The following CEP89 variants were observed in gnomAD, a reference collection of about 807,000 sequenced individuals.
CEP89 encodes centrosomal protein 89, also known as centrosomal protein of 89 kDa.
In CEP89, 95 loss-of-function variants were observed where a neutral mutation model predicts 97.6. The observed-to-expected ratio is 0.97, with a 90% CI of 0.82 to 1.15. The LOEUF (loss-of-function observed/expected upper bound fraction) is 1.15, where lower values mean the gene tolerates loss of function less well. CEP89 is among the 50% of genes most tolerant of loss of function. The pLI, the probability that CEP89 is intolerant of heterozygous loss-of-function variation, is 0.00. For synonymous variants in CEP89, 354 were observed against 349.1 expected, an observed-to-expected ratio of 1.01 and a Z score of -0.16; for missense variants, 869 against 947.7, an observed-to-expected ratio of 0.92 and a Z score of 1.09.
At chr19:32,941,912 A>G (rs1970694658) in intron 5 of CEP89, among the ~76,000 whole-genome samples, 2 of 152,210 alleles carry the variant, frequency 1.3e-5, no homozygotes, top group South Asian at 4.1e-4. Flanking sequence ...AAAGTGATAC[A>G]ATAAGAAAAA....
Position 32,931,585 on chromosome 19 carries a change from T to A in CEP89, c.887-14A>T, listed in dbSNP as rs778903569. 5.1e-6 allele frequency: 8 copies of A among 1,557,362 alleles called. No individual in the cohort carries two copies. Among genetic ancestry groups the A allele is most frequent in the South Asian group, 2.4e-5 (2 of 82,516 alleles). ...CAGGTGCAGCAACTAGGGAAAAAAA[T>A]TTAATATTATACTATAAGAAATAAC... On this transcript the variant is annotated splice_polypyrimidine_tract_variant and intron_variant, in intron 8 of 18. Transcript: ENST00000305768.
Position 32,960,078 on chromosome 19 carries a change from A to C in CEP89, c.147-20T>G, listed in dbSNP as rs754373913. 6.2e-7 allele frequency: 1 copy of C among 1,613,590 alleles called. No homozygotes were observed. The highest frequency in any genetic ancestry group is 2.2e-5 in the East Asian group (1 of 44,866). On this transcript the variant is annotated intron_variant, in intron 2 of 18. Coordinates refer to ENST00000305768, the MANE Select transcript of CEP89 (RefSeq NM_032816.5). ...GCAGATCTGCGGACAAAAACATCCC[A>C]TGGAGACAGTGAGACATGAACATTC...
chr19:32,952,903 C>CAAAAA (rs34455504), intron 4 of CEP89, among the ~76,000 whole-genome samples: 33 of 46,920 alleles, frequency 7.0e-4, no homozygotes, highest in East Asian at 1.5e-3. Flanking sequence ...GACTCTGTCT[C>CAAAAA]AAAAAAAAAA....
intron 4 of CEP89, among the ~76,000 whole-genome samples, chr19:32,952,568 A>T (rs1002590): frequency 0.2 from 30,155 of 151,866 alleles, 3,088 homozygotes; most frequent in African/African-American, 0.23. Context: ...GCTGGTCTAT[A>T]TGTACAGACA....
Position 32,901,381 on chromosome 19 carries a change from C to T in CEP89, c.1597G>A (p.Ala533Thr), listed in dbSNP as rs143984114. 4.5e-5 allele frequency: 73 copies of T among 1,613,434 alleles called. No individual in the cohort carries two copies. Among genetic ancestry groups the T allele is most frequent in the Middle Eastern group, 1.6e-4 (1 of 6,074 alleles). ...QLQKEEEKER[A>T]EMEELMEKLT... ...TTCTCCATCAACTCCTCCATCTCAG[C>T]CCTTTCTTTCTCTTCTTCCTTCTGT... Residue 533 changes from alanine to threonine, a missense_variant, in exon 15 of 19, where the codon GCT (alanine) becomes ACT (threonine). Physicochemically the swap from Ala to Thr is moderately conservative, Grantham distance 58 (BLOSUM62 0). Transcript: ENST00000305768.
At chr19:32,948,929 T>A (rs919403442) in intron 4 of CEP89, among the ~76,000 whole-genome samples, 82 of 152,276 alleles carry the variant, frequency 5.4e-4, no homozygotes, top group African/African-American at 1.9e-3. Context: ...GGTCTCCTTA[T>A]GTTGCCCAGG....
intron 4 of CEP89, among the ~76,000 whole-genome samples, chr19:32,949,006 A>G (rs1970856532): frequency 6.6e-6 from 1 of 152,080 alleles, no homozygotes; most frequent in African/African-American, 2.4e-5. Flanking sequence ...GGGATTACAG[A>G]TGACAGCCAC....
At chr19:32,941,992 C>T (rs1970696407) in intron 5 of CEP89, among the ~76,000 whole-genome samples, 1 of 152,212 alleles carries the variant, frequency 6.6e-6, no homozygotes, top group African/African-American at 2.4e-5. Context: ...TCAGATCTGA[C>T]TGCTTTCATA....
rs376354209 is a variant in CEP89, at chr19:32,915,471, G to C, written c.1431C>G (p.His477Gln). 6.2e-7 allele frequency: 1 copy of C among 1,612,804 alleles called. No individual in the cohort carries two copies. The highest frequency in any genetic ancestry group is 1.7e-5 in the Admixed American group (1 of 59,742). ...KQLMLLEAKT[H>Q]GQEKELAENR... ...TCTCCGCCAGCTCCTTTTCCTGGCC[G>C]TGGGTTTTTGCCTCCAGGAGCATTA... Residue 477 changes from histidine (H) to glutamine (Q), a missense_variant, in exon 14 of 19, where the codon CAC (histidine) becomes CAG (glutamine). By Grantham distance (24) the His-to-Gln change is conservative. Coordinates refer to ENST00000305768, the MANE Select transcript of CEP89 (RefSeq NM_032816.5).
chr19:32,956,087 G>A (rs565848963), intron 3 of CEP89, among the ~76,000 whole-genome samples: 32 of 123,128 alleles, frequency 2.6e-4, no homozygotes, highest in East Asian at 9.2e-4. Context: ...ATGGAGTCTC[G>A]CTCTGTCCCC....
intron 9 of CEP89, among the ~76,000 whole-genome samples, chr19:32,929,725 C>G (rs1286233070): frequency 2.0e-5 from 3 of 152,216 alleles, no homozygotes; most frequent in African/African-American, 7.2e-5. Flanking sequence ...GTCCCTGGGC[C>G]TGTCTGCCCG....
At position 32,959,898 on chromosome 19, in the gene CEP89, A is replaced by AC; in HGVS notation, c.305+1dup. 1.2e-6 allele frequency: 2 copies of AC among 1,614,070 alleles called. No homozygotes were observed. The highest frequency in any genetic ancestry group is 1.6e-4 in the Middle Eastern group (1 of 6,062). Reference sequence around the variant, plus strand: ...AAGCAGAGGCGGCGATCTGGTACCTACCGAGGCCTCAGCTGTGAGGTGGTG... The same window carrying AC: ...AAGCAGAGGCGGCGATCTGGTACCTACCCGAGGCCTCAGCTGTGAGGTGGTG... On this transcript the variant is annotated splice_donor_variant, in intron 3 of 18. Coordinates refer to ENST00000305768, the MANE Select transcript of CEP89 (RefSeq NM_032816.5). LOFTEE classifies it high-confidence loss of function.
Position 32,931,348 on chromosome 19 carries a change from G to T in CEP89, c.1029+81C>A. On this transcript the variant is annotated intron_variant, in intron 9 of 18. Transcript: ENST00000305768. The stretch of plus-strand genomic sequence containing the variant: ...TCTTACATCAAATTATAATAAATAA[G>T]AACCTCTCAAGATTGGAAATCAATT... 1 of 1,238,508 alleles carries T rather than the reference G, an allele frequency of 8.1e-7. No individual in the cohort carries two copies. The highest frequency in any genetic ancestry group is 1.1e-6 in the Non-Finnish European group (1 of 894,382). The allele number at this position is 1,238,508 out of a possible 1,614,324, so 76.7% of individuals were successfully genotyped here.
At position 32,915,444 on chromosome 19, in the gene CEP89, G is replaced by T. The variant is rs376338776; in HGVS notation, c.1458C>A (p.Asn486Lys). The change falls in exon 14 of 19, where the codon AAC becomes AAA. Residue 486 changes from asparagine (N) to lysine (K), a missense_variant. Coordinates refer to ENST00000305768, the MANE Select transcript of CEP89 (RefSeq NM_032816.5). ...THGQEKELAE[N>K]REQLEILRAK... ...CACGTAAAATCTCCAGCTGTTCCCT[G>T]TTCTCCGCCAGCTCCTTTTCCTGGC... 6.2e-7 allele frequency: 1 copy of T among 1,613,808 alleles called. No homozygotes were observed. The highest frequency in any genetic ancestry group is 8.5e-7 in the Non-Finnish European group (1 of 1,179,960).
At position 32,931,586 on chromosome 19, in the gene CEP89, TTAA is replaced by T. The variant is rs1970474585; in HGVS notation, c.887-18_887-16del. ...AGGTGCAGCAACTAGGGAAAAAAAT[TTAA>T]TATTATACTATAAGAAATAACATCC... On this transcript the variant is annotated splice_polypyrimidine_tract_variant and intron_variant, in intron 8 of 18. Coordinates refer to ENST00000305768, the MANE Select transcript of CEP89 (RefSeq NM_032816.5). 1 of 1,559,024 alleles carries T rather than the reference TTAA, an allele frequency of 6.4e-7. No homozygotes were observed. Among genetic ancestry groups the T allele is most frequent in the Non-Finnish European group, 8.6e-7 (1 of 1,156,254 alleles).
intron 14 of CEP89, among the ~76,000 whole-genome samples, chr19:32,912,710 T>C (rs1428797681): frequency 6.6e-6 from 1 of 152,176 alleles, no homozygotes; most frequent in Non-Finnish European, 1.5e-5. Context: ...ACAGTACATA[T>C]GTAATTTTAT....
rs746132249 is a variant in CEP89 at position 32,899,940 on chromosome 19, C to G, written c.1792G>C (p.Glu598Gln). 3 of 1,614,062 alleles carry G rather than the reference C, an allele frequency of 1.9e-6. No homozygotes were observed. Among genetic ancestry groups the G allele is most frequent in the Non-Finnish European group, 1.7e-6 (2 of 1,179,938 alleles). ...KKQVEKAMGN[E>Q]MSAHQYLANL... is the part of the protein sequence containing the mutation. ...GCCAGGTACTGATGAGCAGACATTTCGTTCCCCATGGCTTTTTCCACCTGC... is the reference window on the plus strand; with the variant it reads ...GCCAGGTACTGATGAGCAGACATTTGGTTCCCCATGGCTTTTTCCACCTGC... The change falls in exon 16 of 19, where the codon GAA becomes CAA. Residue 598 changes from glutamate to glutamine, a missense_variant. Transcript: ENST00000305768.
intron 16 of CEP89, among the ~76,000 whole-genome samples, chr19:32,894,041 A>G (rs1969587842): frequency 6.6e-6 from 1 of 152,240 alleles, no homozygotes; most frequent in South Asian, 2.1e-4. Context: ...CAAAGATCAG[A>G]GCAGAACTAA....
Position 32,939,891 on chromosome 19 carries a change from G to T in CEP89, c.596-6C>A. 1.6e-6 allele frequency: 2 copies of T among 1,262,082 alleles called. No homozygotes were observed. Among genetic ancestry groups the T allele is most frequent in the South Asian group, 1.3e-5 (1 of 78,168 alleles). 78.2% of individuals were successfully genotyped at this position (1,262,082 alleles called of 1,614,324 possible). ...CAGAACAGGGTGTTTACCATCTGAT[G>T]AAGAAAAAGAGAGAGAGATAAACTT... is the stretch of plus-strand genomic sequence containing the variant. On this transcript the variant is annotated splice_region_variant and splice_polypyrimidine_tract_variant and intron_variant, in intron 5 of 18. Coordinates refer to ENST00000305768, the MANE Select transcript of CEP89 (RefSeq NM_032816.5).
Sources: allele counts gnomAD v4.1 joint callset (sites outside exome capture counted in the v4.1 genomes callset), GRCh38; gene constraint gnomAD v4.1.1; transcripts MANE v1.5; gene names NCBI Gene and HGNC (gene_info 2026-07-23, HGNC 2026-07-21).